The following RPGRIP1 variants were observed in gnomAD, a reference collection of about 807,000 sequenced individuals.
RPGRIP1 encodes X-linked retinitis pigmentosa GTPase regulator-interacting protein 1.
In RPGRIP1, 128 loss-of-function variants were observed where a neutral mutation model predicts 157.9. That is an observed-to-expected ratio of 0.81 (90% CI 0.70 to 0.94). The LOEUF (loss-of-function observed/expected upper bound fraction) is 0.94, where lower values mean the gene tolerates loss of function less well. Among genes scored for constraint, RPGRIP1 ranks in the 40% least tolerant of loss-of-function variants. The pLI is 0.00. For synonymous variants in RPGRIP1, 554 were observed against 571.6 expected (o/e 0.97, Z 0.44); for missense variants, 1,486 against 1,545.8 (o/e 0.96, Z 0.65).
intron 21 of RPGRIP1, among the ~76,000 whole-genome samples, chr14:21,339,665 C>T (rs1884786155): frequency 6.6e-6 from 1 of 152,116 alleles, no homozygotes; most frequent in African/African-American, 2.4e-5. Context: ...CATGACCTTT[C>T]GTTTAGACAG....
chr14:21,326,233 G>C, intron 17 of RPGRIP1, 60 bp downstream of exon 17: 1 of 1,132,254 alleles, frequency 8.8e-7, no homozygotes, highest in East Asian at 2.4e-5. Context: ...TCCCTGTCCT[G>C]ATTCTACTTT....
intron 21 of RPGRIP1, among the ~76,000 whole-genome samples, chr14:21,341,453 G>A (rs1884988058): frequency 6.6e-6 from 1 of 152,200 alleles, no homozygotes; most frequent in African/African-American, 2.4e-5. Context: ...GAGAAGAAAA[G>A]ATGGGGTAAG....
At chr14:21,322,723 C>G (rs1280225878) in intron 14 of RPGRIP1, among the ~76,000 whole-genome samples, 2 of 152,180 alleles carry the variant, frequency 1.3e-5, no homozygotes, top group Admixed American at 6.5e-5. Context: ...GATAATAGAA[C>G]TTCATCACTC....
intron 10 of RPGRIP1, among the ~76,000 whole-genome samples, chr14:21,316,503 GC>G (rs1881818994): frequency 6.6e-6 from 1 of 151,876 alleles, no homozygotes; most frequent in African/African-American, 2.4e-5. Context: ...TGCAGTGTCC[GC>G]CTGCTGGGTT....
At chr14:21,339,324 T>G (rs1460134721) in intron 21 of RPGRIP1, among the ~76,000 whole-genome samples, 1 of 151,850 alleles carries the variant, frequency 6.6e-6, no homozygotes, top group Non-Finnish European at 1.5e-5. Context: ...CGCGTGCTTG[T>G]AATCCTGGCT....
At chr14:21,339,219 G>A (rs983907702) in intron 21 of RPGRIP1, among the ~76,000 whole-genome samples, 1 of 151,980 alleles carries the variant, frequency 6.6e-6, no homozygotes, top group Admixed American at 6.6e-5. Context: ...AGGCCGAGGT[G>A]GGCTGATCAT....
intron 21 of RPGRIP1, among the ~76,000 whole-genome samples, chr14:21,335,740 A>T (rs1884290583): frequency 1.3e-5 from 2 of 151,778 alleles, no homozygotes; most frequent in African/African-American, 4.9e-5. Flanking sequence ...CTGAGGCAGG[A>T]GAATGGCGTG....
Position 21,310,621 on chromosome 14 carries a change from A to C in RPGRIP1, c.930+14A>C, listed in dbSNP as rs1235748438. 2.1e-6 allele frequency: 3 copies of C among 1,446,960 alleles called. No individual in the cohort carries two copies. Among genetic ancestry groups the C allele is most frequent in the African/African-American group, 2.9e-5 (2 of 69,858 alleles). 89.6% of individuals were successfully genotyped at this position (1,446,960 alleles called of 1,614,324 possible). A position where few individuals can be genotyped will look rare whatever the true frequency, so the allele number is the denominator to read the frequency against. On this transcript the variant is annotated intron_variant, in intron 8 of 24. Coordinates refer to ENST00000400017, the MANE Select transcript of RPGRIP1 (RefSeq NM_020366.4). ...TTGCTCCAGAAGGTACTTAATGAGA[A>C]TTGAGTCTCTGTTTCTTAGTAACCA... is the stretch of plus-strand genomic sequence containing the variant.
intron 3 of RPGRIP1, among the ~76,000 whole-genome samples, chr14:21,296,124 C>T (rs142541548): frequency 0.027 from 3,849 of 141,894 alleles, 174 homozygotes; most frequent in African/African-American, 0.096. Flanking sequence ...TTTTTGGAGA[C>T]GGAGTCTCCA....
chr14:21,344,391 C>T (rs895114604), intron 22 of RPGRIP1, among the ~76,000 whole-genome samples: 5 of 151,986 alleles, frequency 3.3e-5, no homozygotes, highest in South Asian at 2.1e-4. Flanking sequence ...TCCTGAAGAC[C>T]TCTCTCCATC....
At chr14:21,306,334 T>C (rs529198761) in intron 6 of RPGRIP1, among the ~76,000 whole-genome samples, 27 of 150,994 alleles carry the variant, frequency 1.8e-4, no homozygotes, top group Non-Finnish European at 3.1e-4. Context: ...GGTTTCACCA[T>C]GTTGGCCAGG....
intron 2 of RPGRIP1, 69 bp from the exon 3 acceptor site, chr14:21,294,608 T>C (rs1880682993): frequency 7.0e-7 from 1 of 1,426,060 alleles, no homozygotes; most frequent in Non-Finnish European, 9.8e-7. Context: ...CAAGATGTGA[T>C]GAGACATCTA....
In RPGRIP1 at chr14:21,303,711, G is replaced by A. The variant is rs113212189; in HGVS notation, c.800+168G>A. Among the ~76,000 whole-genome samples, 81 of 152,282 alleles carry A rather than the reference G, an allele frequency of 5.3e-4. 1 individual carries two copies. Among genetic ancestry groups the A allele is most frequent in the African/African-American group, 1.8e-3 (76 of 41,562 alleles). The stretch of plus-strand genomic sequence containing the variant: ...GGTTAAGAAATGGATTAACCTGCGG[G>A]CACCATGGATCACGCCTGTAATCCC... On this transcript the variant is annotated intron_variant, in intron 6 of 24. Coordinates refer to ENST00000400017, the MANE Select transcript of RPGRIP1 (RefSeq NM_020366.4).
At chr14:21,329,147 CA>C (rs527281874) in intron 19 of RPGRIP1, among the ~76,000 whole-genome samples, 2,194 of 74,080 alleles carry the variant, frequency 0.03, 29 homozygotes, top group Middle Eastern at 0.066. Flanking sequence ...TCCATCTCAC[CA>C]AAAAAAAAAA....
At chr14:21,291,790 C>T (rs1880541181) in intron 2 of RPGRIP1, among the ~76,000 whole-genome samples, 1 of 151,964 alleles carries the variant, frequency 6.6e-6, no homozygotes, top group Non-Finnish European at 1.5e-5. Context: ...GATGGAGTCT[C>T]GCTTTTGTTG....
chr14:21,336,126 A>G lies in RPGRIP1; in HGVS notation c.3339+1421A>G, dbSNP rs550850586. Among the ~76,000 whole-genome samples the G allele has an allele frequency of 2.0e-5, 3 of 152,338 alleles. No individual in the cohort carries two copies. In the South Asian group the frequency reaches 6.2e-4, roughly 32 times the overall value. On this transcript the variant is annotated intron_variant, in intron 21 of 24. Coordinates refer to ENST00000400017, the MANE Select transcript of RPGRIP1 (RefSeq NM_020366.4). ...TTATGGTTTCTTTTGTAGAGGTTGG[A>G]AAACTCTTCCTTGAAAGCTGGAACA...
chr14:21,332,770 TGTTA>T (rs1239429310), intron 20 of RPGRIP1, among the ~76,000 whole-genome samples: 1 of 152,168 alleles, frequency 6.6e-6, no homozygotes, highest in Non-Finnish European at 1.5e-5. Flanking sequence ...GAAGCCTAAT[TGTTA>T]GTTATTGTTT....
intron 3 of RPGRIP1, among the ~76,000 whole-genome samples, chr14:21,297,833 T>TTTTC (rs1441242352): frequency 3.0e-5 from 1 of 33,212 alleles, no homozygotes; most frequent in African/African-American, 1.2e-4. Context: ...CTCAATAAAT[T>TTTTC]ATTCTTTCTT....
At chr14:21,306,669 G>C (rs1881323397) in intron 6 of RPGRIP1, among the ~76,000 whole-genome samples, 1 of 151,402 alleles carries the variant, frequency 6.6e-6, no homozygotes, top group African/African-American at 2.4e-5. Context: ...ACGTTGGCCA[G>C]GATGGTCTTA....
Sources: gnomAD v4.1 joint callset for allele counts (sites outside exome capture counted in the v4.1 genomes callset) on GRCh38, gnomAD v4.1.1 for gene constraint, MANE v1.5 for transcripts, NCBI Gene and HGNC (gene_info 2026-07-23, HGNC 2026-07-21) for gene names.